Variants in NKAIN2 observed in about 807,000 individuals in gnomAD.
NKAIN2 encodes the protein sodium/potassium transporting ATPase interacting 2.
NKAIN2 carries 14 observed loss-of-function variants against 32.6 expected under a neutral mutation model. That is an observed-to-expected ratio of 0.43 (90% CI 0.28 to 0.67). The LOEUF (loss-of-function observed/expected upper bound fraction) is 0.67, where lower values mean the gene tolerates loss of function less well. Ranked by LOEUF, NKAIN2 falls within the 30% of genes least tolerant of loss-of-function variation. The pLI is 0.17. For synonymous variants in NKAIN2, 80 were observed against 87.2 expected (o/e 0.92, Z 0.46); for missense variants, 198 against 258.3 (o/e 0.77, Z 1.60).
chr6:124,656,420 A>G (rs141588075), intron 3 of NKAIN2, among the ~76,000 whole-genome samples: 242 of 152,178 alleles, frequency 1.6e-3, no homozygotes, highest in African/African-American at 5.3e-3. Context: ...CCCCATCCCT[A>G]TCTCACAACT....
chr6:123,944,978 T>C (rs1776999154), intron 1 of NKAIN2, among the ~76,000 whole-genome samples: 1 of 151,964 alleles, frequency 6.6e-6, no homozygotes, highest in Non-Finnish European at 1.5e-5. Flanking sequence ...CACAGACATA[T>C]GTAGATTTTA....
intron 3 of NKAIN2, among the ~76,000 whole-genome samples, chr6:124,488,192 G>A (rs1007262782): frequency 6.6e-6 from 1 of 151,940 alleles, no homozygotes; most frequent in Non-Finnish European, 1.5e-5. Context: ...ATAAGACAAG[G>A]AATAATGGCA....
At chr6:123,945,002 G>A (rs235672) in intron 1 of NKAIN2, among the ~76,000 whole-genome samples, 1 of 151,876 alleles carries the variant, frequency 6.6e-6, no homozygotes, top group African/African-American at 2.4e-5. Context: ...ATGGAAACTT[G>A]CAGATATAGG....
intron 4 of NKAIN2, among the ~76,000 whole-genome samples, chr6:124,741,004 A>T (rs1423886234): frequency 2.0e-5 from 3 of 151,898 alleles, no homozygotes; most frequent in Admixed American, 6.6e-5. Context: ...GAAAAAACAG[A>T]AAAAATAATT....
intron 1 of NKAIN2, among the ~76,000 whole-genome samples, chr6:124,037,373 T>C (rs1015271388): frequency 1.3e-5 from 2 of 152,170 alleles, no homozygotes; most frequent in African/African-American, 2.4e-5. Flanking sequence ...CAGTGATAAT[T>C]TTATATCAAT....
chr6:124,738,517 C>T (rs1006349872), intron 4 of NKAIN2, among the ~76,000 whole-genome samples: 1 of 151,846 alleles, frequency 6.6e-6, no homozygotes, highest in Non-Finnish European at 1.5e-5. Context: ...GAAATTATTG[C>T]TATGCTATTT....
At chr6:124,395,575 T>A (rs1261261603) in intron 3 of NKAIN2, among the ~76,000 whole-genome samples, 1 of 152,132 alleles carries the variant, frequency 6.6e-6, no homozygotes, top group Non-Finnish European at 1.5e-5. Flanking sequence ...CCAGCTGACT[T>A]GGAAAGGTAA....
At position 123,929,959 on chromosome 6, in the gene NKAIN2, C is replaced by T. The variant is rs116289599; in HGVS notation, c.54+125705C>T. ...AAATTTTCAGAGAATGGATACTCAA[C>T]CTATAGTGAGAATTTACCATAAATA... On this transcript the variant is annotated intron_variant, in intron 1 of 6. Coordinates refer to ENST00000368417, the MANE Select transcript of NKAIN2 (RefSeq NM_001040214.3). 4.2e-3 allele frequency among the ~76,000 whole-genome samples: 634 copies of T among 152,130 alleles called. 3 individuals are homozygous for T. Among genetic ancestry groups the T allele is most frequent in the African/African-American group, 0.015 (603 of 41,532 alleles).
At chr6:124,282,209 A>C (rs768781204) in intron 1 of NKAIN2, 1 of 312,158 alleles carries the variant, frequency 3.2e-6, no homozygotes, top group Admixed American at 4.5e-5. Flanking sequence ...TTAGATTTTT[A>C]TATGTCTTAA....
intron 3 of NKAIN2, among the ~76,000 whole-genome samples, chr6:124,481,262 A>C (rs1777438069): frequency 6.6e-6 from 1 of 151,718 alleles, no homozygotes; most frequent in Admixed American, 6.6e-5. Flanking sequence ...AAGAAAAAAT[A>C]TTATTTCCAA....
At chr6:123,978,717 A>G (rs1778755545) in intron 1 of NKAIN2, among the ~76,000 whole-genome samples, 1 of 152,198 alleles carries the variant, frequency 6.6e-6, no homozygotes. Flanking sequence ...ACACACACAC[A>G]CATATTAGAC....
At chr6:124,716,704 C>T (rs1168826241) in intron 4 of NKAIN2, among the ~76,000 whole-genome samples, 3 of 152,154 alleles carry the variant, frequency 2.0e-5, no homozygotes, top group Non-Finnish European at 4.4e-5. Flanking sequence ...TGACTAGAAC[C>T]CTCTTCTCCT....
intron 1 of NKAIN2, among the ~76,000 whole-genome samples, chr6:124,100,050 C>A (rs2114946694): frequency 1.3e-5 from 2 of 152,222 alleles, no homozygotes; most frequent in Middle Eastern, 3.4e-3. Context: ...AATTTTAAAT[C>A]CTGTGCAAGT....
At chr6:124,103,494 C>A (rs2114954296) in intron 1 of NKAIN2, among the ~76,000 whole-genome samples, 1 of 152,208 alleles carries the variant, frequency 6.6e-6, no homozygotes, top group South Asian at 2.1e-4. Flanking sequence ...AGTGCTATAA[C>A]CTAATGAGAA....
chr6:124,070,270 C>T (rs1783386833), intron 1 of NKAIN2, among the ~76,000 whole-genome samples: 1 of 152,154 alleles, frequency 6.6e-6, no homozygotes, highest in African/African-American at 2.4e-5. Flanking sequence ...AGACTGTCGC[C>T]TCTATTCTGG....
chr6:124,713,523 A>G (rs1775601920), intron 4 of NKAIN2, among the ~76,000 whole-genome samples: 1 of 152,186 alleles, frequency 6.6e-6, no homozygotes, highest in African/African-American at 2.4e-5. Context: ...AAGAATTCCA[A>G]ATAATGGAGG....
chr6:124,355,860 T>G (rs534423144), intron 3 of NKAIN2, among the ~76,000 whole-genome samples: 1 of 152,182 alleles, frequency 6.6e-6, no homozygotes, highest in African/African-American at 2.4e-5. Flanking sequence ...ACTTGCTTTT[T>G]TCATTTAGTT....
chr6:124,254,627 A>C (rs1439649676), intron 1 of NKAIN2, among the ~76,000 whole-genome samples: 9 of 152,202 alleles, frequency 5.9e-5, no homozygotes, highest in Admixed American at 1.3e-4. Flanking sequence ...ATATGAAGAA[A>C]TCCTACTTGA....
intron 1 of NKAIN2, among the ~76,000 whole-genome samples, chr6:124,098,755 A>G (rs1784751850): frequency 6.6e-6 from 1 of 152,054 alleles, no homozygotes; most frequent in African/African-American, 2.4e-5. Flanking sequence ...CTGTAGTCCC[A>G]GCTACACGGG....
Sources: gnomAD v4.1 joint callset for allele counts (sites outside exome capture counted in the v4.1 genomes callset) on GRCh38, gnomAD v4.1.1 for gene constraint, MANE v1.5 for transcripts, NCBI Gene and HGNC (gene_info 2026-07-23, HGNC 2026-07-21) for gene names.